Variants in OTOG observed in about 807,000 individuals in gnomAD.
OTOG encodes otogelin.
A neutral mutation model predicts 313.8 loss-of-function variants in OTOG; 296 were observed. The ratio of observed to expected loss-of-function variants is 0.94; its 90% CI spans 0.86 to 1.04. The LOEUF (loss-of-function observed/expected upper bound fraction) is 1.04. Among genes scored for constraint, OTOG ranks in the 50% least tolerant of loss-of-function variants. The pLI is 0.00. For missense variants in OTOG, 3,948 were observed against 3,840.1 expected (o/e 1.03, Z -0.74); for synonymous variants, 1,533 against 1,554.9 (o/e 0.99, Z 0.33).
rs1334830653 is a variant in OTOG, at chr11:17,613,671, T to C, written c.6498T>C (p.His2166=). ...TGTTGAACATGACTCACTTGGCCCA[T>C]CAGGTCACTATTGATCGCTTCAACC... ...LVMLNMTHLA[H]QVTIDRFNRK... is the part of the protein sequence containing the mutation. Residue 2166 remains histidine (H), a synonymous_variant, in exon 39 of 56, where the codon CAT becomes CAC. Transcript: ENST00000399397. The C allele has an allele frequency of 3.9e-6, 6 of 1,550,596 alleles. No homozygotes were observed. In the African/African-American group the frequency reaches 8.2e-5, roughly 21 times the overall value.
chr11:17,611,811 A>G (rs1853556124), intron 36 of OTOG, among the ~76,000 whole-genome samples: 1 of 132,050 alleles, frequency 7.6e-6, no homozygotes, highest in South Asian at 2.5e-4. Flanking sequence ...CCTTTGTGAG[A>G]AACTGTGTGT....
rs1387566087 is a variant in OTOG at position 17,576,595 on chromosome 11, C to T, written c.2526C>T (p.Pro842=). 1.9e-6 allele frequency: 3 copies of T among 1,550,454 alleles called. No homozygotes were observed. Among genetic ancestry groups the T allele is most frequent in the African/African-American group, 1.4e-5 (1 of 73,026 alleles). The part of the protein sequence containing the change: ...CSCHFQGVDY[P]PGDSDIPSLG... ...GCCACTTCCAGGGAGTGGACTATCC[C>T]CCCGGAGACAGTGACATCCCATCCC... The change falls in exon 21 of 56, where the codon CCC becomes CCT. Residue 842 remains proline (P), a synonymous_variant. Transcript: ENST00000399397.
intron 31 of OTOG, 115 bp downstream of exon 31, chr11:17,599,812 C>G: frequency 7.9e-7 from 1 of 1,271,896 alleles, no homozygotes; most frequent in Non-Finnish European, 1.1e-6. Flanking sequence ...GAGCCGTGAC[C>G]CGGAATGGGA....
At chr11:17,586,047 A>G (rs1852786473) in intron 23 of OTOG, among the ~76,000 whole-genome samples, 1 of 152,186 alleles carries the variant, frequency 6.6e-6, no homozygotes, top group Non-Finnish European at 1.5e-5. Flanking sequence ...CTCAGATTTC[A>G]TGGAAACCAG....
intron 28 of OTOG, 48 bp from the exon 29 acceptor site, chr11:17,595,990 A>G (rs1486316505): frequency 6.9e-6 from 9 of 1,310,574 alleles, no homozygotes; most frequent in Non-Finnish European, 7.5e-6. Flanking sequence ...GTCAGGCAAC[A>G]GGCATTTGGC....
chr11:17,595,912 A>G (rs1853086867), intron 28 of OTOG, 126 bp from the exon 29 acceptor site: 1 of 690,562 alleles, frequency 1.4e-6, no homozygotes, highest in Non-Finnish European at 2.6e-6. Context: ...CAAGGGGAGG[A>G]GATTTTACAA....
At chr11:17,567,393 A>G (rs1852311536) in intron 15 of OTOG, among the ~76,000 whole-genome samples, 1 of 152,118 alleles carries the variant, frequency 6.6e-6, no homozygotes, top group Non-Finnish European at 1.5e-5. Context: ...TCACTGTGTC[A>G]CTCTCCTGGT....
chr11:17,628,149 T>C (rs190523369), intron 39 of OTOG, among the ~76,000 whole-genome samples: 1 of 152,248 alleles, frequency 6.6e-6, no homozygotes, highest in Non-Finnish European at 1.5e-5. Flanking sequence ...AGATACATTG[T>C]TAGGTTACAT....
chr11:17,548,094 G>C, intron 2 of OTOG, 58 bp from the exon 3 acceptor site: 1 of 1,509,092 alleles, frequency 6.6e-7, no homozygotes, highest in Middle Eastern at 1.7e-4. Context: ...CCAGGGGACT[G>C]CGGGGAGGCA....
Position 17,586,519 on chromosome 11 carries a change from C to G in OTOG, c.2805C>G (p.Pro935=). The G allele has an allele frequency of 6.9e-7, 1 of 1,455,248 alleles. No individual in the cohort carries two copies. Among genetic ancestry groups the G allele is most frequent in the Non-Finnish European group, 9.1e-7 (1 of 1,099,312 alleles). The allele number at this position is 1,455,248 out of a possible 1,614,324, so 90.1% of individuals were successfully genotyped here. Residue 935 remains proline (P), a synonymous_variant, in exon 24 of 56, where the codon CCC becomes CCG. Coordinates refer to ENST00000399397, the MANE Select transcript of OTOG (RefSeq NM_001292063.2). Reference sequence around the variant, plus strand: ...CATGTTTCCTGCCAGAGGAGTGCCCCTGCACTTGGAAGGGGAAGGAGTATT... The same window carrying G: ...CATGTTTCCTGCCAGAGGAGTGCCCGTGCACTTGGAAGGGGAAGGAGTATT... The part of the protein sequence containing the change: ...GDACFLPEEC[P]CTWKGKEYFP...
Position 17,593,590 on chromosome 11 carries a change from G to T in OTOG, c.3142-20G>T. 2 of 1,548,298 alleles carry T rather than the reference G, an allele frequency of 1.3e-6. No homozygotes were observed. The highest frequency in any genetic ancestry group is 2.4e-5 in the South Asian group (2 of 83,922). On this transcript the variant is annotated intron_variant, in intron 26 of 55. Transcript: ENST00000399397. Reference sequence around the variant, plus strand: ...CTAGGGGGCACTTGGGCTCAGGACTGACCATCTCTGTCCCTCTAGAGTCCA... The same window carrying T: ...CTAGGGGGCACTTGGGCTCAGGACTTACCATCTCTGTCCCTCTAGAGTCCA...
chr11:17,598,777 T>C (rs1853173412), intron 30 of OTOG, among the ~76,000 whole-genome samples: 1 of 152,046 alleles, frequency 6.6e-6, no homozygotes, highest in Admixed American at 6.6e-5. Context: ...AACTTGGAGA[T>C]TTTCTAATTT....
intron 44 of OTOG, 28 bp downstream of exon 44, chr11:17,634,309 C>A: frequency 6.5e-7 from 1 of 1,543,742 alleles, no homozygotes; most frequent in Non-Finnish European, 8.8e-7. Flanking sequence ...CTTCCTTGGA[C>A]GTCAACTGTA....
intron 4 of OTOG, 22 bp downstream of exon 4, chr11:17,552,097 G>C (rs1429791350): frequency 6.5e-7 from 1 of 1,549,116 alleles, no homozygotes; most frequent in Non-Finnish European, 8.7e-7. Context: ...CTTCACTGTG[G>C]TCCATGGGTT....
In OTOG at chr11:17,617,616, C is replaced by A. The variant is rs140421989; in HGVS notation, c.6528+3915C>A. On this transcript the variant is annotated intron_variant, in intron 39 of 55. Coordinates refer to ENST00000399397, the MANE Select transcript of OTOG (RefSeq NM_001292063.2). ...TTAAGTTGTTCATCATATATTCTTG[C>A]TATACTTTTAATTTCTGTAGGATCT... Among the ~76,000 whole-genome samples the A allele has an allele frequency of 6.2e-3, 941 of 152,236 alleles. 7 individuals are homozygous for A. Among genetic ancestry groups the A allele is most frequent in the Non-Finnish European group, 9.9e-3 (673 of 68,012 alleles).
rs192375131 is a variant in OTOG at position 17,553,531 on chromosome 11, C to T, written c.540+12C>T. 61 of 1,423,258 alleles carry T rather than the reference C, an allele frequency of 4.3e-5. No individual in the cohort carries two copies. Among genetic ancestry groups the T allele is most frequent in the Non-Finnish European group, 5.3e-5 (58 of 1,086,002 alleles). The allele number at this position is 1,423,258 out of a possible 1,614,324, so 88.2% of individuals were successfully genotyped here. On this transcript the variant is annotated intron_variant, in intron 6 of 55. Coordinates refer to ENST00000399397, the MANE Select transcript of OTOG (RefSeq NM_001292063.2). ...GCTTCTCCATCCAGGTGAGGCCTCC[C>T]CTGCCTTGCCTGTCCAGGAATGCTT... is the stretch of plus-strand genomic sequence containing the variant.
In OTOG at chr11:17,642,177, G is replaced by T; in HGVS notation, c.8346G>T (p.Thr2782=). Residue 2782 remains threonine, a synonymous_variant, in exon 53 of 56, where the codon ACG becomes ACT. Transcript: ENST00000399397. ...GCGCCCGCCACCACTGCAGCAGCACGCCCCTGGGTGCCGTGCTGGTCCGCT... is the reference window on the plus strand; with the variant it reads ...GCGCCCGCCACCACTGCAGCAGCACTCCCCTGGGTGCCGTGCTGGTCCGCT... ...ADCARHHCSS[T]PLGAVLVRSP... 1 of 1,550,132 alleles carries T rather than the reference G, an allele frequency of 6.5e-7. No individual in the cohort carries two copies. Among genetic ancestry groups the T allele is most frequent in the Non-Finnish European group, 8.7e-7 (1 of 1,146,708 alleles).
chr11:17,593,866 T>C, intron 27 of OTOG, 110 bp downstream of exon 27: 11 of 1,435,358 alleles, frequency 7.7e-6, no homozygotes, highest in Non-Finnish European at 1.0e-5. Context: ...CATGCCTCTG[T>C]TCTCTCCTCC....
intron 17 of OTOG, among the ~76,000 whole-genome samples, chr11:17,571,352 C>A (rs533201322): frequency 6.6e-6 from 1 of 152,222 alleles, no homozygotes; most frequent in Non-Finnish European, 1.5e-5. Flanking sequence ...ACTCATTGCC[C>A]CAGAACAATA....
Sources: allele counts gnomAD v4.1 joint callset (sites outside exome capture counted in the v4.1 genomes callset), GRCh38; gene constraint gnomAD v4.1.1; transcripts MANE v1.5; gene names NCBI Gene and HGNC (gene_info 2026-07-23, HGNC 2026-07-21).